LRRC7: variants seen among roughly 807,000 people sequenced by gnomAD.
The protein encoded by LRRC7 is leucine-rich repeat-containing protein 7.
A neutral mutation model predicts 175.7 loss-of-function variants in LRRC7; 23 were observed. The ratio of observed to expected loss-of-function variants is 0.13; its 90% CI spans 0.09 to 0.19. The LOEUF (loss-of-function observed/expected upper bound fraction) is 0.19, where lower values mean the gene tolerates loss of function less well. Ranked by LOEUF, LRRC7 falls within the 10% of genes least tolerant of loss-of-function variation. The pLI is 1.00. For synonymous variants in LRRC7, 685 were observed against 680.9 expected (o/e 1.01, Z -0.09); for missense variants, 1,354 against 1,904.7 (o/e 0.71, Z 5.38).
At chr1:69,950,365 T>C (rs1649792162) in intron 8 of LRRC7, among the ~76,000 whole-genome samples, 1 of 151,558 alleles carries the variant, frequency 6.6e-6, no homozygotes, top group Admixed American at 6.6e-5. Context: ...ACATGAGGAG[T>C]GATGACAGAA....
At chr1:69,890,953 G>C (rs1031228211) in intron 7 of LRRC7, among the ~76,000 whole-genome samples, 23 of 152,256 alleles carry the variant, frequency 1.5e-4, no homozygotes, top group African/African-American at 5.5e-4. Context: ...TTTGGCTTAA[G>C]AGAATGTTGT....
At chr1:69,629,895 C>G (rs898042652) in intron 1 of LRRC7, among the ~76,000 whole-genome samples, 1 of 152,010 alleles carries the variant, frequency 6.6e-6, no homozygotes, top group Non-Finnish European at 1.5e-5. Context: ...TCACTATCAC[C>G]CTTTCAACTC....
intron 21 of LRRC7, among the ~76,000 whole-genome samples, chr1:70,042,332 C>T (rs2102037637): frequency 6.6e-6 from 1 of 152,260 alleles, no homozygotes; most frequent in Non-Finnish European, 1.5e-5. Flanking sequence ...CAGACTGCAC[C>T]AGAGAAATAA....
At chr1:69,858,262 G>A (rs965255957) in intron 7 of LRRC7, among the ~76,000 whole-genome samples, 1 of 152,058 alleles carries the variant, frequency 6.6e-6, no homozygotes, top group Non-Finnish European at 1.5e-5. Context: ...TTGACAAATG[G>A]GATCTAATTA....
intron 1 of LRRC7, among the ~76,000 whole-genome samples, chr1:69,609,733 A>C (rs909080622): frequency 2.0e-5 from 3 of 152,068 alleles, no homozygotes; most frequent in African/African-American, 7.2e-5. Context: ...TGAGTAATAT[A>C]TATCTACTTT....
At chr1:70,099,069 T>C (rs1664618878) in intron 25 of LRRC7, among the ~76,000 whole-genome samples, 1 of 149,610 alleles carries the variant, frequency 6.7e-6, no homozygotes, top group Admixed American at 6.7e-5. Context: ...GCAAAAATCC[T>C]CAATAAAATA....
At chr1:69,859,053 C>A (rs1423267841) in intron 7 of LRRC7, among the ~76,000 whole-genome samples, 1 of 152,078 alleles carries the variant, frequency 6.6e-6, no homozygotes, top group East Asian at 1.9e-4. Flanking sequence ...CTCTTAACCC[C>A]AGGTAACTGA....
chr1:69,941,632 C>CA (rs1366318474), intron 8 of LRRC7, among the ~76,000 whole-genome samples: 1 of 150,996 alleles, frequency 6.6e-6, no homozygotes, highest in Non-Finnish European at 1.5e-5. Flanking sequence ...TAATTAGATA[C>CA]AAAAAAGAAT....
At chr1:70,044,258 A>G (rs1460147031) in intron 22 of LRRC7, among the ~76,000 whole-genome samples, 164 bp downstream of exon 22, 1 of 152,168 alleles carries the variant, frequency 6.6e-6, no homozygotes, top group Non-Finnish European at 1.5e-5. Context: ...TTAGCCGCTA[A>G]ATGAATATTT....
intron 7 of LRRC7, chr1:69,920,063 T>C (rs895514156): frequency 9.4e-6 from 3 of 319,210 alleles, no homozygotes; most frequent in African/African-American, 4.4e-5. Flanking sequence ...CATTAAGGAG[T>C]TGACTTCAGC....
Position 70,125,969 on chromosome 1 carries a change from T to G in LRRC7, c.*4082T>G, listed in dbSNP as rs1192626637. Among the ~76,000 whole-genome samples the G allele has an allele frequency of 6.6e-6, 1 of 151,804 alleles. No homozygotes were observed. The highest frequency in any genetic ancestry group is 1.5e-5 in the Non-Finnish European group (1 of 67,966). ...AAATCTATTTAATATATATTTAATA[T>G]CTATTAATATTTAAGCTTTCCAGTG... On this transcript the variant is annotated 3_prime_UTR_variant, in exon 27 of 27. Coordinates refer to ENST00000651989, the MANE Select transcript of LRRC7 (RefSeq NM_001370785.2).
At chr1:70,041,618 G>A (rs1033893233) in intron 21 of LRRC7, among the ~76,000 whole-genome samples, 5 of 152,228 alleles carry the variant, frequency 3.3e-5, no homozygotes, top group Admixed American at 1.3e-4. Context: ...ACGACCATAC[G>A]TAACAGGGTA....
In LRRC7 at chr1:70,038,289, C is replaced by A; in HGVS notation, c.2465C>A (p.Thr822Asn). 2 of 1,614,112 alleles carry A rather than the reference C, an allele frequency of 1.2e-6. No homozygotes were observed. The highest frequency in any genetic ancestry group is 1.7e-6 in the Non-Finnish European group (2 of 1,179,992). The change falls in exon 21 of 27, where the codon ACC becomes AAC. Residue 822 changes from threonine (T) to asparagine (N), a missense_variant. Coordinates refer to ENST00000651989, the MANE Select transcript of LRRC7 (RefSeq NM_001370785.2). ...YDNTGFVAEE[T>N]TAENANSNPL... is the part of the protein sequence containing the mutation. ...AACACAGGGTTTGTTGCTGAGGAAACCACAGCCGAGAATGCCAACAGTAAT... is the reference window on the plus strand; with the variant it reads ...AACACAGGGTTTGTTGCTGAGGAAAACACAGCCGAGAATGCCAACAGTAAT...
At chr1:69,747,327 GA>G (rs1669364361) in intron 2 of LRRC7, among the ~76,000 whole-genome samples, 1 of 152,138 alleles carries the variant, frequency 6.6e-6, no homozygotes, top group South Asian at 2.1e-4. Context: ...GAAGAAACAG[GA>G]AAACACAAAT....
At chr1:69,658,363 C>CT (rs1372194990) in intron 1 of LRRC7, among the ~76,000 whole-genome samples, 1 of 151,974 alleles carries the variant, frequency 6.6e-6, no homozygotes, top group Non-Finnish European at 1.5e-5. Flanking sequence ...ACTAAACACC[C>CT]TGAAAGTACC....
chr1:70,086,433 A>G lies in LRRC7; in HGVS notation c.4453-3294A>G, dbSNP rs138195333. Among the ~76,000 whole-genome samples, 8 of 152,316 alleles carry G rather than the reference A, an allele frequency of 5.3e-5. No homozygotes were observed. The East Asian group carries it at 1.4e-3, about 26-fold the overall frequency. On this transcript the variant is annotated intron_variant, in intron 24 of 26. Transcript: ENST00000651989. ...ACTCTGAAAGACCATTGATTGCACT[A>G]CTACTGCATATGTTTTCGGCCAAAC...
At chr1:70,071,832 T>A (rs148462885) in intron 23 of LRRC7, among the ~76,000 whole-genome samples, 1 of 152,308 alleles carries the variant, frequency 6.6e-6, no homozygotes, top group East Asian at 1.9e-4. Context: ...TAACATAATA[T>A]ACTTCTTAGT....
intron 2 of LRRC7, among the ~76,000 whole-genome samples, chr1:69,685,136 T>G (rs553573159): frequency 7.2e-5 from 11 of 152,182 alleles, no homozygotes; most frequent in African/African-American, 2.6e-4. Flanking sequence ...GCCAGAAGAA[T>G]GAAGCAGACC....
At chr1:69,570,284 C>G (rs1318285228) in intron 1 of LRRC7, among the ~76,000 whole-genome samples, 1 of 151,878 alleles carries the variant, frequency 6.6e-6, no homozygotes, top group Non-Finnish European at 1.5e-5. Context: ...GTTCAGCATC[C>G]TGGTTGCTTA....
Sources: allele counts gnomAD v4.1 joint callset (sites outside exome capture counted in the v4.1 genomes callset), GRCh38; gene constraint gnomAD v4.1.1; transcripts MANE v1.5; gene names NCBI Gene and HGNC (gene_info 2026-07-23, HGNC 2026-07-21).